Variants in ESYT2 observed in about 807,000 individuals in gnomAD.
The protein encoded by ESYT2 is extended synaptotagmin-2.
In ESYT2, 54 loss-of-function variants were observed where a neutral mutation model predicts 107.2. The ratio of observed to expected loss-of-function variants is 0.50; its 90% CI spans 0.40 to 0.63. The LOEUF is 0.63. ESYT2 is among the 30% of genes least tolerant of loss of function. The pLI, the probability that ESYT2 is intolerant of heterozygous loss-of-function variation, is 0.00. For synonymous variants in ESYT2, 491 were observed against 434.1 expected (o/e 1.13, Z -1.63); for missense variants, 1,020 against 1,094.5 (o/e 0.93, Z 0.96).
chr7:158,738,348 C>T (rs955456823), intron 19 of ESYT2, among the ~76,000 whole-genome samples: 666 of 28,918 alleles, frequency 0.023, 8 homozygotes, highest in Middle Eastern at 0.05. Context: ...CACACAGACA[C>T]ACACACACAC....
intron 6 of ESYT2, among the ~76,000 whole-genome samples, chr7:158,782,050 TGA>T (rs1838862011): frequency 6.7e-6 from 1 of 148,408 alleles, no homozygotes; most frequent in Non-Finnish European, 1.5e-5. Context: ...AGAACAAGTG[TGA>T]GTGAACGTGT....
rs1839477566 is a variant in ESYT2, at chr7:158,796,927, CGGCTGG to C, written c.507+1009_507+1014del. ...CCGACAGAGACGGGAAAAGGCACCACGGCTGGAGGCAGAGCCTGAGTGACAGAGACA... is the reference window on the plus strand; with the variant it reads ...CCGACAGAGACGGGAAAAGGCACCACAGGCAGAGCCTGAGTGACAGAGACA... On this transcript the variant is annotated intron_variant, in intron 3 of 22. Transcript: ENST00000275418. 3.9e-5 allele frequency among the ~76,000 whole-genome samples: 5 copies of C among 129,846 alleles called. No homozygotes were observed. The South Asian group carries it at 8.7e-4, about 23-fold the overall frequency. The allele number at this position is 129,846 out of a possible 152,430, so 85.2% of individuals were successfully genotyped here. A position where few individuals can be genotyped will look rare whatever the true frequency, so the allele number is the denominator to read the frequency against.
intron 7 of ESYT2, among the ~76,000 whole-genome samples, chr7:158,770,507 TTATA>T (rs200723436): frequency 1.3e-5 from 2 of 150,044 alleles, no homozygotes; most frequent in South Asian, 2.1e-4. Flanking sequence ...ACATATACGA[TTATA>T]TATATATATA....
intron 5 of ESYT2, 87 bp downstream of exon 5, chr7:158,788,258 T>C (rs924317680): frequency 7.3e-7 from 1 of 1,370,528 alleles, no homozygotes; most frequent in Non-Finnish European, 1.0e-6. Flanking sequence ...AATTCCAAGC[T>C]AAAAAAACTT....
intron 4 of ESYT2, among the ~76,000 whole-genome samples, chr7:158,792,407 A>C (rs1370911633): frequency 6.6e-6 from 1 of 151,484 alleles, no homozygotes; most frequent in African/African-American, 2.4e-5. Flanking sequence ...ATGCACCTGT[A>C]GTCTCAGCTA....
intron 6 of ESYT2, among the ~76,000 whole-genome samples, chr7:158,774,584 A>C (rs888845509): frequency 5.3e-5 from 8 of 152,178 alleles, no homozygotes; most frequent in African/African-American, 1.9e-4. Flanking sequence ...CTCTTACACA[A>C]CTTAAAAAGG....
chr7:158,754,348 AG>A (rs1379889263), intron 13 of ESYT2, among the ~76,000 whole-genome samples: 1 of 152,002 alleles, frequency 6.6e-6, no homozygotes, highest in Non-Finnish European at 1.5e-5. Flanking sequence ...CTGGGACTAC[AG>A]GCATGCACCA....
chr7:158,760,052 C>T lies in ESYT2; in HGVS notation c.1323+6G>A, dbSNP rs777791359. On this transcript the variant is annotated splice_donor_region_variant and intron_variant, in intron 12 of 22. Coordinates refer to ENST00000275418, the MANE Select transcript of ESYT2 (RefSeq NM_001367773.1). ...TAGTTTTCAAGAGCACATGCTTCAACAGCACCTTGTCGAGGTTTGACGCAT... is the reference window on the plus strand; with the variant it reads ...TAGTTTTCAAGAGCACATGCTTCAATAGCACCTTGTCGAGGTTTGACGCAT... 13 of 1,614,086 alleles carry T rather than the reference C, an allele frequency of 8.1e-6. No individual in the cohort carries two copies. The highest frequency in any genetic ancestry group is 1.7e-5 in the Admixed American group (1 of 60,018).
chr7:158,756,914 T>TAAAAAAA (rs201326042), intron 13 of ESYT2, among the ~76,000 whole-genome samples: 3 of 98,798 alleles, frequency 3.0e-5, no homozygotes, highest in African/African-American at 8.1e-5. Context: ...CATCTCAAAT[T>TAAAAAAA]AAAAAAAAAA....
chr7:158,734,325 G>A lies in ESYT2; in HGVS notation c.2556-73C>T, dbSNP rs1041416631. 31 of 1,611,454 alleles carry A rather than the reference G, an allele frequency of 1.9e-5. No homozygotes were observed. In the South Asian group the frequency reaches 2.1e-4, roughly 11 times the overall value. ...AGGAAAAGCCTATCAGATACGTGTCGGGTTCCACCACTGTCTGTGGGGGAC... is the reference window on the plus strand; with the variant it reads ...AGGAAAAGCCTATCAGATACGTGTCAGGTTCCACCACTGTCTGTGGGGGAC... On this transcript the variant is annotated intron_variant, in intron 22 of 22. Transcript: ENST00000275418.
chr7:158,789,967 G>A (rs746068473), intron 4 of ESYT2, among the ~76,000 whole-genome samples: 12 of 152,150 alleles, frequency 7.9e-5, no homozygotes, highest in South Asian at 2.1e-4. Flanking sequence ...TCGGTGCTGG[G>A]GACACTGGAC....
At chr7:158,760,266 A>G (rs1022701758) in intron 11 of ESYT2, 119 bp from the exon 12 acceptor site, 3 of 823,452 alleles carry the variant, frequency 3.6e-6, no homozygotes, top group Non-Finnish European at 5.9e-6. Flanking sequence ...AACAGTTCTC[A>G]GTAACGCGAA....
At chr7:158,792,758 C>G (rs78581755) in intron 4 of ESYT2, among the ~76,000 whole-genome samples, 10 of 142,812 alleles carry the variant, frequency 7.0e-5, no homozygotes, top group Non-Finnish European at 1.5e-4. Context: ...CTGAGTATAA[C>G]GTGGGGTTTT....
chr7:158,764,562 A>T, intron 9 of ESYT2, 115 bp downstream of exon 9: 1 of 1,075,456 alleles, frequency 9.3e-7, no homozygotes, highest in Non-Finnish European at 1.4e-6. Flanking sequence ...AGGAACATTT[A>T]AATGATGGCC....
At chr7:158,794,733 C>T (rs1233920139) in intron 3 of ESYT2, among the ~76,000 whole-genome samples, 1 of 151,974 alleles carries the variant, frequency 6.6e-6, no homozygotes, top group African/African-American at 2.4e-5. Flanking sequence ...GTGGTGATCA[C>T]GCCACTGTAC....
Position 158,806,076 on chromosome 7 carries a change from C to T in ESYT2, c.331-7004G>A, listed in dbSNP as rs867808362. ...GCAGAGCCGGCGCCGGGGCACACCG[C>T]GTGGGAGGCGCCGGGGCACACCGCG... is the stretch of plus-strand genomic sequence containing the variant. On this transcript the variant is annotated intron_variant, in intron 1 of 22. Transcript: ENST00000275418. Among the ~76,000 whole-genome samples, 347 of 152,038 alleles carry T rather than the reference C, an allele frequency of 2.3e-3. 3 individuals carry two copies. The highest frequency in any genetic ancestry group is 8.1e-3 in the African/African-American group (335 of 41,446).
intron 6 of ESYT2, among the ~76,000 whole-genome samples, chr7:158,778,699 T>C (rs1303983885): frequency 6.6e-6 from 1 of 152,198 alleles, no homozygotes; most frequent in East Asian, 1.9e-4. Context: ...CATCAGCCTT[T>C]TGCGGGATGC....
chr7:158,791,735 G>A (rs12666113), intron 4 of ESYT2, among the ~76,000 whole-genome samples: 19,640 of 152,146 alleles, frequency 0.13, 1,912 homozygotes, highest in East Asian at 0.43. Context: ...AGAAATGTCT[G>A]TTCAAGTTCT....
rs1466067735 is a variant in ESYT2 at position 158,829,448 on chromosome 7, C to G, written c.-30G>C. The G allele has an allele frequency of 8.4e-7, 1 of 1,192,044 alleles. No homozygotes were observed. Among genetic ancestry groups the G allele is most frequent in the African/African-American group, 1.6e-5 (1 of 62,248 alleles). The allele number at this position is 1,192,044 out of a possible 1,614,324, so 73.8% of individuals were successfully genotyped here. A position where few individuals can be genotyped will look rare whatever the true frequency, so the allele number is the denominator to read the frequency against. On this transcript the variant is annotated 5_prime_UTR_variant, in exon 1 of 23. Transcript: ENST00000275418. ...CCGCAGTGCCGCGCTGCCCTCCCGG[C>G]CGAGGCGGGCTGGGTGCTCGCGCTG...
Sources: gnomAD v4.1 joint callset for allele counts (sites outside exome capture counted in the v4.1 genomes callset) on GRCh38, gnomAD v4.1.1 for gene constraint, MANE v1.5 for transcripts, NCBI Gene and HGNC (gene_info 2026-07-23, HGNC 2026-07-21) for gene names.